Variants in SORCS2 observed in about 807,000 individuals in gnomAD.
The protein encoded by SORCS2 is sortilin related VPS10 domain containing receptor 2.
In SORCS2, 100 loss-of-function variants were observed where a neutral mutation model predicts 141.6. The ratio of observed to expected loss-of-function variants is 0.71; its 90% CI spans 0.60 to 0.83. The LOEUF is 0.83. Ranked by LOEUF, SORCS2 falls within the 40% of genes least tolerant of loss-of-function variation. SORCS2 has a pLI of 0.00. For missense variants in SORCS2, 1,646 were observed against 1,560.2 expected, an observed-to-expected ratio of 1.05 and a Z score of -0.93; for synonymous variants, 789 against 676.9, an observed-to-expected ratio of 1.17 and a Z score of -2.57.
At chr4:7,415,236 T>C (rs1725588202) in intron 2 of SORCS2, among the ~76,000 whole-genome samples, 1 of 152,174 alleles carries the variant, frequency 6.6e-6, no homozygotes, top group African/African-American at 2.4e-5. Context: ...GTGTGTCATC[T>C]TACAGCTCTG....
At chr4:7,607,939 G>C (rs536334992) in intron 3 of SORCS2, among the ~76,000 whole-genome samples, 1 of 152,098 alleles carries the variant, frequency 6.6e-6, no homozygotes, top group South Asian at 2.1e-4. Flanking sequence ...AGTGAGTTGC[G>C]GTTCCCCTGT....
intron 2 of SORCS2, among the ~76,000 whole-genome samples, chr4:7,518,469 G>T (rs1428381801): frequency 6.6e-6 from 1 of 152,202 alleles, no homozygotes; most frequent in Non-Finnish European, 1.5e-5. Flanking sequence ...TTCTTTTGCT[G>T]TGTGTCTCGT....
chr4:7,529,745 C>G (rs1560360123), intron 2 of SORCS2, among the ~76,000 whole-genome samples: 1 of 152,204 alleles, frequency 6.6e-6, no homozygotes, highest in East Asian at 1.9e-4. Context: ...TCAGATCGAT[C>G]CTCTGCTAAT....
intron 1 of SORCS2, among the ~76,000 whole-genome samples, chr4:7,266,405 C>T (rs1714733490): frequency 6.6e-6 from 1 of 152,312 alleles, no homozygotes. Flanking sequence ...TTCCGTCCTG[C>T]CCTCCTCCCT....
chr4:7,267,137 A>G (rs1714790091), intron 1 of SORCS2, among the ~76,000 whole-genome samples: 1 of 150,724 alleles, frequency 6.6e-6, no homozygotes, highest in Non-Finnish European at 1.5e-5. Flanking sequence ...TTTCTAATTC[A>G]GCGGAAACAC....
intron 12 of SORCS2, among the ~76,000 whole-genome samples, chr4:7,702,857 G>C (rs1725172052): frequency 1.3e-5 from 2 of 152,242 alleles, no homozygotes; most frequent in Non-Finnish European, 2.9e-5. Context: ...CATCAGGGAG[G>C]GCTTCCTGGA....
chr4:7,667,235 C>T, intron 8 of SORCS2, 22 bp downstream of exon 8: 1 of 1,610,000 alleles, frequency 6.2e-7, no homozygotes, highest in Non-Finnish European at 8.5e-7. Flanking sequence ...CCCATTCCGC[C>T]TGGTCCTGTG....
At chr4:7,711,251 C>T (rs1469291581) in intron 14 of SORCS2, among the ~76,000 whole-genome samples, 1 of 152,228 alleles carries the variant, frequency 6.6e-6, no homozygotes, top group African/African-American at 2.4e-5. Flanking sequence ...GCTTGCCTGG[C>T]TGAGAGGTGC....
intron 2 of SORCS2, among the ~76,000 whole-genome samples, chr4:7,517,134 G>T (rs1733038556): frequency 6.6e-6 from 1 of 152,220 alleles, no homozygotes; most frequent in African/African-American, 2.4e-5. Flanking sequence ...GTCTTTAGGA[G>T]TTTTCTGATC....
In SORCS2 at chr4:7,666,980, G is replaced by A. The variant is rs1225782859; in HGVS notation, c.1072-144G>A. 11 of 724,436 alleles carry A rather than the reference G, an allele frequency of 1.5e-5. No homozygotes were observed. In the South Asian group the frequency reaches 1.8e-4, roughly 12 times the overall value. The allele number at this position is 724,436 out of a possible 1,614,324, so 44.9% of individuals were successfully genotyped here. The stretch of plus-strand genomic sequence containing the variant: ...TTGGGGCTTTGAAGGATGAATAGGA[G>A]TCTGTTCATTTCAAGCAGAACAGGT... On this transcript the variant is annotated intron_variant, in intron 7 of 26. Transcript: ENST00000507866.
At chr4:7,549,227 A>G (rs1713499078) in intron 3 of SORCS2, among the ~76,000 whole-genome samples, 2 of 152,132 alleles carry the variant, frequency 1.3e-5, no homozygotes, top group South Asian at 4.2e-4. Flanking sequence ...AAAAGAAAAC[A>G]TTCCTTATTT....
intron 12 of SORCS2, among the ~76,000 whole-genome samples, chr4:7,702,875 G>C (rs565153715): frequency 3.3e-5 from 5 of 152,238 alleles, no homozygotes; most frequent in Non-Finnish European, 5.9e-5. Flanking sequence ...GGAGGAAATG[G>C]CACTTGAGCT....
At chr4:7,267,613 C>T (rs1186465196) in intron 1 of SORCS2, among the ~76,000 whole-genome samples, 1 of 152,152 alleles carries the variant, frequency 6.6e-6, no homozygotes. Flanking sequence ...GGCAGATCAC[C>T]CGAGGTCAGG....
chr4:7,445,329 G>A (rs10012986), intron 2 of SORCS2, among the ~76,000 whole-genome samples: 34,957 of 151,942 alleles, frequency 0.23, 5,073 homozygotes, highest in African/African-American at 0.42. Context: ...CATCCAGAGG[G>A]AAAGCCGGGG....
At chr4:7,687,330 C>T (rs889688064) in intron 10 of SORCS2, among the ~76,000 whole-genome samples, 1 of 152,182 alleles carries the variant, frequency 6.6e-6, no homozygotes, top group African/African-American at 2.4e-5. Context: ...TCGCCTCTGT[C>T]TTTCTGCCTG....
At chr4:7,335,703 A>G (rs890495686) in intron 1 of SORCS2, among the ~76,000 whole-genome samples, 5 of 152,200 alleles carry the variant, frequency 3.3e-5, no homozygotes, top group Non-Finnish European at 5.9e-5. Context: ...CAAGAATGGC[A>G]TTTGGCCCAT....
chr4:7,469,432 G>T (rs952639304), intron 2 of SORCS2, among the ~76,000 whole-genome samples: 2 of 152,236 alleles, frequency 1.3e-5, no homozygotes, highest in Non-Finnish European at 2.9e-5. Flanking sequence ...CTAAGCTGTG[G>T]TTGGAATGTG....
rs368957596 is a variant in SORCS2 at position 7,497,197 on chromosome 4, G to A, written c.549-34333G>A. Among the ~76,000 whole-genome samples the A allele has an allele frequency of 9.2e-5, 14 of 152,370 alleles. No individual in the cohort carries two copies. In the South Asian group the frequency reaches 1.2e-3, roughly 14 times the overall value. ...TTCCCTGCCCCTGCCACACTCTGGTGTTGGTGCATTTAAGGGCTAAAGAGA... is the reference window on the plus strand; with the variant it reads ...TTCCCTGCCCCTGCCACACTCTGGTATTGGTGCATTTAAGGGCTAAAGAGA... On this transcript the variant is annotated intron_variant, in intron 2 of 26. Transcript: ENST00000507866.
intron 1 of SORCS2, among the ~76,000 whole-genome samples, chr4:7,197,209 C>CTG (rs1312812154): frequency 2.6e-5 from 4 of 152,176 alleles, no homozygotes; most frequent in Non-Finnish European, 5.9e-5. Context: ...CTTGTAAGGG[C>CTG]ACCAGTCATA....
Sources: allele counts gnomAD v4.1 joint callset (sites outside exome capture counted in the v4.1 genomes callset), GRCh38; gene constraint gnomAD v4.1.1; transcripts MANE v1.5; gene names NCBI Gene and HGNC (gene_info 2026-07-23, HGNC 2026-07-21).